The following KLHL29 variants were observed in gnomAD, a reference collection of about 807,000 sequenced individuals.
KLHL29 encodes kelch-like protein 29.
KLHL29 carries 21 observed loss-of-function variants against 80.4 expected under a neutral mutation model. The observed-to-expected ratio is 0.26, with a 90% confidence interval of 0.19 to 0.38. KLHL29 has a LOEUF of 0.38. KLHL29 is among the 10% of genes least tolerant of loss of function. The probability of loss-of-function intolerance (pLI) is 1.00; values close to 1 mark genes in which losing one functional copy is unlikely to be tolerated. For missense variants in KLHL29, 867 were observed against 1,223.9 expected (o/e 0.71, Z 4.35); for synonymous variants, 511 against 526.8 (o/e 0.97, Z 0.41).
At chr2:23,585,792 G>A (rs2103512465) in intron 3 of KLHL29, among the ~76,000 whole-genome samples, 1 of 152,284 alleles carries the variant, frequency 6.6e-6, no homozygotes, top group South Asian at 2.1e-4. Flanking sequence ...ACAGTGCCAA[G>A]CCCACCAGCC....
At position 23,403,619 on chromosome 2, in the gene KLHL29, C is replaced by A. The variant is rs184584182; in HGVS notation, c.-154+17839C>A. Among the ~76,000 whole-genome samples the A allele has an allele frequency of 2.1e-3, 320 of 152,036 alleles. 1 individual carries two copies. The highest frequency in any genetic ancestry group is 3.5e-3 in the Non-Finnish European group (239 of 68,016). On this transcript the variant is annotated intron_variant, in intron 1 of 13. Coordinates refer to ENST00000486442, the MANE Select transcript of KLHL29 (RefSeq NM_052920.2). ...AGCAAAAAGGTGCAATTAACCAGGT[C>A]CTGGACTGCAGAGTTTGCAATTTAT...
At chr2:23,480,864 C>A (rs905002206) in intron 2 of KLHL29, among the ~76,000 whole-genome samples, 4 of 152,192 alleles carry the variant, frequency 2.6e-5, no homozygotes, top group African/African-American at 9.7e-5. Flanking sequence ...AGTGCACCCT[C>A]GTTTAGGATT....
intron 2 of KLHL29, among the ~76,000 whole-genome samples, chr2:23,491,621 C>T (rs990271899): frequency 1.3e-5 from 2 of 152,134 alleles, no homozygotes; most frequent in African/African-American, 4.8e-5. Flanking sequence ...CCTGTCCCAG[C>T]AGTGGGAATC....
At chr2:23,435,457 G>A (rs1309806035) in intron 1 of KLHL29, among the ~76,000 whole-genome samples, 1 of 152,138 alleles carries the variant, frequency 6.6e-6, no homozygotes, top group Non-Finnish European at 1.5e-5. Context: ...ATAGAGTCCA[G>A]GTGGATATGA....
intron 3 of KLHL29, among the ~76,000 whole-genome samples, chr2:23,599,021 T>G (rs1374013701): frequency 6.6e-6 from 1 of 152,248 alleles, no homozygotes; most frequent in African/African-American, 2.4e-5. Flanking sequence ...CCAAGATTCC[T>G]GTCCCAGGCA....
rs558615880 is a variant in KLHL29 at position 23,679,764 on chromosome 2, G to A, written c.941-4635G>A. Among the ~76,000 whole-genome samples, 7 of 152,330 alleles carry A rather than the reference G, an allele frequency of 4.6e-5. No individual in the cohort carries two copies. In the South Asian group the frequency reaches 6.2e-4, roughly 14 times the overall value. ...AGCACAAGTTGTTCTGCCAGCCTCC[G>A]GAGGAGGGCAGAGGGCAGAGGGTGT... On this transcript the variant is annotated intron_variant, in intron 5 of 13. Coordinates refer to ENST00000486442, the MANE Select transcript of KLHL29 (RefSeq NM_052920.2).
intron 2 of KLHL29, among the ~76,000 whole-genome samples, chr2:23,551,253 A>G (rs1007933976): frequency 6.6e-6 from 1 of 152,130 alleles, no homozygotes; most frequent in Non-Finnish European, 1.5e-5. Context: ...ATTTTTCATT[A>G]TCACCATTTT....
At chr2:23,414,435 T>G (rs1310720211) in intron 1 of KLHL29, among the ~76,000 whole-genome samples, 1 of 152,068 alleles carries the variant, frequency 6.6e-6, no homozygotes, top group Non-Finnish European at 1.5e-5. Context: ...AGCAAGAAAT[T>G]AACAGACAGT....
intron 6 of KLHL29, among the ~76,000 whole-genome samples, chr2:23,687,701 T>C (rs1671330694): frequency 6.6e-6 from 1 of 152,106 alleles, no homozygotes; most frequent in Non-Finnish European, 1.5e-5. Flanking sequence ...ATGTGGGTTA[T>C]GAAGAATGGG....
intron 2 of KLHL29, among the ~76,000 whole-genome samples, chr2:23,487,695 C>G (rs757872452): frequency 6.6e-6 from 1 of 152,172 alleles, no homozygotes; most frequent in Non-Finnish European, 1.5e-5. Context: ...CTTTTTTCTC[C>G]TGGGTAGGGG....
At chr2:23,644,526 C>A (rs1466524503) in intron 5 of KLHL29, among the ~76,000 whole-genome samples, 1 of 152,364 alleles carries the variant, frequency 6.6e-6, no homozygotes, top group South Asian at 2.1e-4. Context: ...ACTGGAGTCC[C>A]TAGTCTGGGG....
At chr2:23,422,249 ATGTGTC>A (rs1260474182) in intron 1 of KLHL29, among the ~76,000 whole-genome samples, 3 of 143,220 alleles carry the variant, frequency 2.1e-5, no homozygotes, top group East Asian at 4.1e-4. Flanking sequence ...GTGTGTGTTC[ATGTGTC>A]TGTGTCTGTG....
At chr2:23,663,141 G>A (rs1421934206) in intron 5 of KLHL29, among the ~76,000 whole-genome samples, 1 of 152,160 alleles carries the variant, frequency 6.6e-6, no homozygotes, top group Non-Finnish European at 1.5e-5. Context: ...GCTGCTCCTC[G>A]CTACTCCCAG....
chr2:23,531,096 G>T (rs1382369925), intron 2 of KLHL29, among the ~76,000 whole-genome samples: 2 of 152,224 alleles, frequency 1.3e-5, no homozygotes, highest in East Asian at 1.9e-4. Context: ...TGAGGTAGAG[G>T]GGGTAAGCTG....
chr2:23,518,355 C>T (rs1666002097), intron 2 of KLHL29, among the ~76,000 whole-genome samples: 1 of 152,168 alleles, frequency 6.6e-6, no homozygotes. Flanking sequence ...GTGAGAGAAC[C>T]CAGTGGTCCT....
In KLHL29 at chr2:23,663,101, C is replaced by T. The variant is rs1000094330; in HGVS notation, c.940+20251C>T. Among the ~76,000 whole-genome samples, 6 of 152,264 alleles carry T rather than the reference C, an allele frequency of 3.9e-5. No individual in the cohort carries two copies. The East Asian group carries it at 1.2e-3, about 29-fold the overall frequency. ...AGGTGGGAGGAGGCGTTTCAAAGTG[C>T]TGGGCTTCCCCTACCGCGCCCTGCT... On this transcript the variant is annotated intron_variant, in intron 5 of 13. Coordinates refer to ENST00000486442, the MANE Select transcript of KLHL29 (RefSeq NM_052920.2).
chr2:23,537,743 G>A (rs1266561694), intron 2 of KLHL29, among the ~76,000 whole-genome samples: 1 of 152,176 alleles, frequency 6.6e-6, no homozygotes, highest in African/African-American at 2.4e-5. Context: ...TGCATGTCGG[G>A]TGGGAAACTG....
At position 23,501,780 on chromosome 2, in the gene KLHL29, C is replaced by T. The variant is rs146626397; in HGVS notation, c.-46+26113C>T. ...ACGAAATGCCTGGATCTTTGGCATG[C>T]GGTTCAATCAGTTTTGCACTGACAA... On this transcript the variant is annotated intron_variant, in intron 2 of 13. Coordinates refer to ENST00000486442, the MANE Select transcript of KLHL29 (RefSeq NM_052920.2). Among the ~76,000 whole-genome samples, 268 of 152,232 alleles carry T rather than the reference C, an allele frequency of 1.8e-3. 3 individuals are homozygous for T. Among genetic ancestry groups the T allele is most frequent in the African/African-American group, 6.3e-3 (260 of 41,534 alleles).
In KLHL29 at chr2:23,539,431, C is replaced by CTTTTTT. The variant is rs1666768797; in HGVS notation, c.-45-22721_-45-22720insTTTTTT. On this transcript the variant is annotated intron_variant, in intron 2 of 13. Transcript: ENST00000486442. Reference sequence around the variant, plus strand: ...ATGCTTTGCTAGCCTTATCCTGCCTCCTTTTTTTTTTTTTTTTTTTTTTTT... The same window carrying CTTTTTT: ...ATGCTTTGCTAGCCTTATCCTGCCTCTTTTTTCTTTTTTTTTTTTTTTTTTTTTTTT... Among the ~76,000 whole-genome samples the CTTTTTT allele has an allele frequency of 2.1e-4, 23 of 107,214 alleles. 7 individuals carry two copies. Among genetic ancestry groups the CTTTTTT allele is most frequent in the African/African-American group, 2.1e-4 (6 of 28,104 alleles). The allele number at this position is 107,214 out of a possible 152,430, so 70.3% of individuals were successfully genotyped here. A position where few individuals can be genotyped will look rare whatever the true frequency, so the allele number is the denominator to read the frequency against.
Sources: gnomAD v4.1 joint callset for allele counts (sites outside exome capture counted in the v4.1 genomes callset) on GRCh38, gnomAD v4.1.1 for gene constraint, MANE v1.5 for transcripts, NCBI Gene and HGNC (gene_info 2026-07-23, HGNC 2026-07-21) for gene names.